Variants in RGS8 observed in about 807,000 individuals in gnomAD.
The protein encoded by RGS8 is regulator of G protein signaling 8.
Under a neutral mutation model 21.7 loss-of-function variants are expected in RGS8, and 8 were observed. That is an observed-to-expected ratio of 0.37 (90% CI 0.22 to 0.66). The LOEUF (loss-of-function observed/expected upper bound fraction) is 0.66, where lower values mean the gene tolerates loss of function less well. RGS8 is among the 30% of genes least tolerant of loss of function. RGS8 has a pLI of 0.59. For synonymous variants in RGS8, 80 were observed against 83.6 expected (o/e 0.96, Z 0.24); for missense variants, 157 against 217.9 (o/e 0.72, Z 1.76).
the RGS8 span, among the ~76,000 whole-genome samples, chr1:182,727,903 T>C: frequency 6.6e-6 from 1 of 152,196 alleles, no homozygotes; most frequent in Admixed American, 6.5e-5. Flanking sequence ...CAAATGTACA[T>C]TTACACTTCA....
chr1:182,667,971 C>T (rs1336888879), intron 3 of RGS8, among the ~76,000 whole-genome samples: 1 of 152,184 alleles, frequency 6.6e-6, no homozygotes, highest in Non-Finnish European at 1.5e-5. Flanking sequence ...CCCAAGCCAC[C>T]ACGCCCAGCT....
At chr1:182,720,890 CACATATATATACATATGTGTGTGTATAT>C in the RGS8 span, among the ~76,000 whole-genome samples, 6 of 90,584 alleles carry the variant, frequency 6.6e-5, no homozygotes, top group Admixed American at 4.1e-4. Flanking sequence ...TATATATATA[CACATATATATACATATGTGTGTGTATAT>C]ACATATATAC....
the RGS8 span, among the ~76,000 whole-genome samples, chr1:182,728,917 C>T: frequency 6.6e-6 from 1 of 152,150 alleles, no homozygotes; most frequent in African/African-American, 2.4e-5. Flanking sequence ...AATGGGTTGA[C>T]AGGTGCAGCA....
At chr1:182,649,406 G>A (rs369834489) in intron 5 of RGS8, among the ~76,000 whole-genome samples, 6 of 152,056 alleles carry the variant, frequency 3.9e-5, no homozygotes, top group Admixed American at 6.5e-5. Context: ...TTACCTGGAC[G>A]GGGTTGCAAG....
chr1:182,724,248 C>T, the RGS8 span, among the ~76,000 whole-genome samples: 8 of 53,192 alleles, frequency 1.5e-4, no homozygotes, highest in South Asian at 6.5e-4. Context: ...ATATATATAT[C>T]CTATTATTTC....
At chr1:182,748,311 A>C in the RGS8 span, among the ~76,000 whole-genome samples, 1 of 152,102 alleles carries the variant, frequency 6.6e-6, no homozygotes, top group Non-Finnish European at 1.5e-5. Context: ...TCTATTCCCA[A>C]CTTCTATGTG....
chr1:182,671,868 G>T, exon 1 of RGS8: 2 of 1,509,622 alleles, frequency 1.3e-6, no homozygotes, highest in Non-Finnish European at 1.8e-6. Context: ...CTTGAGCCAG[G>T]CAGCAAGCGG....
the RGS8 span, among the ~76,000 whole-genome samples, chr1:182,715,367 T>G: frequency 1.3e-5 from 2 of 152,178 alleles, no homozygotes; most frequent in African/African-American, 2.4e-5. Context: ...CCCCTTTAAA[T>G]TGGCACAAAA....
the RGS8 span, chr1:182,714,178 C>T: frequency 6.6e-6 from 1 of 152,170 alleles, no homozygotes; most frequent in Non-Finnish European, 1.5e-5. Context: ...ACAGTTTTTT[C>T]CTGACCCGCA....
chr1:182,673,915 C>T (rs1308907883), upstream of RGS8, among the ~76,000 whole-genome samples: 1 of 152,216 alleles, frequency 6.6e-6, no homozygotes, highest in Non-Finnish European at 1.5e-5. Context: ...TTAGTATGTG[C>T]CAGACACTAT....
the RGS8 span, chr1:182,733,832 T>C: frequency 6.6e-6 from 1 of 152,192 alleles, no homozygotes; most frequent in Non-Finnish European, 1.5e-5. Context: ...AGTATTCTGT[T>C]TAATGGCATA....
the RGS8 span, among the ~76,000 whole-genome samples, chr1:182,742,117 G>A: frequency 6.8e-6 from 1 of 147,962 alleles, no homozygotes; most frequent in African/African-American, 2.5e-5. Flanking sequence ...CGGGGCAGAG[G>A]TGCTCCCCAC....
upstream of RGS8, among the ~76,000 whole-genome samples, chr1:182,688,451 G>A (rs1315819153): frequency 2.0e-5 from 3 of 152,166 alleles, no homozygotes; most frequent in African/African-American, 7.2e-5. Context: ...AGAGGGAAAA[G>A]AAGAAAAAGA....
Position 182,665,391 on chromosome 1 carries a change from G to A in RGS8, c.193+578C>T, listed in dbSNP as rs115988703. 4.3e-3 allele frequency among the ~76,000 whole-genome samples: 657 copies of A among 152,178 alleles called. 2 individuals carry two copies. The highest frequency in any genetic ancestry group is 6.8e-3 in the Middle Eastern group (2 of 294). On this transcript the variant is annotated intron_variant, in intron 5 of 6. Coordinates refer to ENST00000483095, the Ensembl canonical transcript of RGS8. ...GGGAAACAAAAGGCATTACAGATGA[G>A]GAAGAGAAAAATGGAAAAGGAAGGA... is the stretch of plus-strand genomic sequence containing the variant.
At chr1:182,737,017 G>T in the RGS8 span, among the ~76,000 whole-genome samples, 1 of 152,044 alleles carries the variant, frequency 6.6e-6, no homozygotes, top group Admixed American at 6.5e-5. Flanking sequence ...ATTTCACCGG[G>T]CCCAAAATCA....
At chr1:182,698,838 G>C in the RGS8 span, among the ~76,000 whole-genome samples, 4 of 152,136 alleles carry the variant, frequency 2.6e-5, no homozygotes, top group South Asian at 8.3e-4. Context: ...TTCTTACTTC[G>C]TAAGCACAGA....
At chr1:182,743,699 C>A in the RGS8 span, among the ~76,000 whole-genome samples, 2 of 152,218 alleles carry the variant, frequency 1.3e-5, no homozygotes, top group Non-Finnish European at 1.5e-5. Context: ...ACAGTTAATT[C>A]TTTCATTTTA....
chr1:182,719,091 C>T, the RGS8 span, among the ~76,000 whole-genome samples: 3 of 152,160 alleles, frequency 2.0e-5, no homozygotes, highest in Non-Finnish European at 4.4e-5. Context: ...CTTTCTTGTC[C>T]CAACAGCTCA....
intron 5 of RGS8, among the ~76,000 whole-genome samples, chr1:182,655,039 G>T (rs1663200773): frequency 6.6e-6 from 1 of 152,230 alleles, no homozygotes; most frequent in African/African-American, 2.4e-5. Context: ...AGTGGTTTAT[G>T]AATCTTATGG....
Sources: gnomAD v4.1 joint callset for allele counts (sites outside exome capture counted in the v4.1 genomes callset) on GRCh38, gnomAD v4.1.1 for gene constraint, MANE v1.5 for transcripts, NCBI Gene and HGNC (gene_info 2026-07-23, HGNC 2026-07-21) for gene names.